Variants in EPHA3 observed in about 807,000 individuals in gnomAD.
The protein encoded by EPHA3 is EPH receptor A3, also known as ephrin type-A receptor 3.
In EPHA3, 42 loss-of-function variants were observed where a neutral mutation model predicts 107.1. The observed-to-expected ratio is 0.39, with a 90% CI of 0.31 to 0.51. The LOEUF (loss-of-function observed/expected upper bound fraction) is 0.51, where lower values mean the gene tolerates loss of function less well. Ranked by LOEUF, EPHA3 falls within the 20% of genes least tolerant of loss-of-function variation. The pLI is 0.78. For missense variants in EPHA3, 1,183 were observed against 1,211.2 expected, an observed-to-expected ratio of 0.98 and a Z score of 0.35; for synonymous variants, 461 against 424.8, an observed-to-expected ratio of 1.09 and a Z score of -1.05.
intron 3 of EPHA3, among the ~76,000 whole-genome samples, chr3:89,221,572 T>C (rs1704376536): frequency 6.6e-6 from 1 of 152,214 alleles, no homozygotes; most frequent in South Asian, 2.1e-4. Flanking sequence ...GGGAATGCTT[T>C]CTCAAATACG....
At chr3:89,225,756 C>T (rs1559608999) in intron 3 of EPHA3, among the ~76,000 whole-genome samples, 3 of 152,018 alleles carry the variant, frequency 2.0e-5, no homozygotes, top group African/African-American at 7.2e-5. Context: ...TTTCAAAGCT[C>T]ATAGGAGATG....
intron 15 of EPHA3, among the ~76,000 whole-genome samples, chr3:89,455,675 C>A (rs1246611687): frequency 6.6e-6 from 1 of 152,202 alleles, no homozygotes; most frequent in African/African-American, 2.4e-5. Flanking sequence ...TCAGTGGCTA[C>A]TTCTAGTTCC....
chr3:89,194,577 A>C (rs1705792194), intron 2 of EPHA3, among the ~76,000 whole-genome samples: 1 of 152,100 alleles, frequency 6.6e-6, no homozygotes, highest in Admixed American at 6.5e-5. Context: ...TTCAATAATA[A>C]AATTGTTAGG....
intron 5 of EPHA3, among the ~76,000 whole-genome samples, chr3:89,351,397 C>A (rs1366852457): frequency 6.6e-6 from 1 of 150,820 alleles, no homozygotes; most frequent in Non-Finnish European, 1.5e-5. Context: ...CGTCCGTCAC[C>A]CCTTTCTTTG....
At chr3:89,346,307 AT>A (rs1707651954) in intron 5 of EPHA3, among the ~76,000 whole-genome samples, 1 of 132,226 alleles carries the variant, frequency 7.6e-6, no homozygotes, top group Non-Finnish European at 1.7e-5. Context: ...AATGATTGCC[AT>A]TCTAACTGGT....
chr3:89,314,192 C>T (rs965611579), intron 3 of EPHA3, among the ~76,000 whole-genome samples: 8 of 151,956 alleles, frequency 5.3e-5, no homozygotes, highest in Middle Eastern at 3.4e-3. Context: ...CAAATTTTGT[C>T]AAATTTAGTT....
chr3:89,412,906 A>G (rs1709181438), intron 9 of EPHA3, among the ~76,000 whole-genome samples: 1 of 151,614 alleles, frequency 6.6e-6, no homozygotes, highest in Admixed American at 6.6e-5. Context: ...TGTTTTTGCA[A>G]AGAAAGCTCC....
At chr3:89,362,147 C>G (rs750956624) in intron 5 of EPHA3, among the ~76,000 whole-genome samples, 1 of 150,854 alleles carries the variant, frequency 6.6e-6, no homozygotes, top group Non-Finnish European at 1.5e-5. Flanking sequence ...TGTGATGGTC[C>G]ATCTCATCTT....
chr3:89,291,455 A>G (rs1706204363), intron 3 of EPHA3, among the ~76,000 whole-genome samples: 1 of 152,164 alleles, frequency 6.6e-6, no homozygotes, highest in Non-Finnish European at 1.5e-5. Context: ...AAAGAAAAAG[A>G]TAGAGACAGA....
chr3:89,115,292 C>T (rs892056075), intron 1 of EPHA3, among the ~76,000 whole-genome samples: 1 of 151,668 alleles, frequency 6.6e-6, no homozygotes, highest in African/African-American at 2.4e-5. Context: ...CCTGCTAGTG[C>T]CACCTTTAGG....
chr3:89,377,224 G>A (rs115812739), intron 5 of EPHA3, among the ~76,000 whole-genome samples: 2,400 of 152,150 alleles, frequency 0.016, 63 homozygotes, highest in African/African-American at 0.055. Flanking sequence ...CATTCTTTTA[G>A]TGAATGAAGA....
intron 5 of EPHA3, among the ~76,000 whole-genome samples, chr3:89,379,913 G>C (rs1357590020): frequency 6.6e-6 from 1 of 152,050 alleles, no homozygotes; most frequent in African/African-American, 2.4e-5. Flanking sequence ...GTTATGGGAG[G>C]TCTGGGATTT....
chr3:89,288,183 A>G (rs1706133986), intron 3 of EPHA3, among the ~76,000 whole-genome samples: 1 of 152,102 alleles, frequency 6.6e-6, no homozygotes, highest in Non-Finnish European at 1.5e-5. Context: ...AGTTACCATC[A>G]TGCAAAACAA....
intron 2 of EPHA3, among the ~76,000 whole-genome samples, chr3:89,141,687 AG>A (rs1704435037): frequency 6.6e-6 from 1 of 151,608 alleles, no homozygotes. Flanking sequence ...GAAAGTTTAA[AG>A]GACAGAACTT....
chr3:89,383,710 G>T (rs1348464875), intron 5 of EPHA3, among the ~76,000 whole-genome samples: 1 of 141,478 alleles, frequency 7.1e-6, no homozygotes, highest in Non-Finnish European at 1.5e-5. Flanking sequence ...GTGCAGTGGC[G>T]CGATCTCGGC....
chr3:89,249,532 C>T (rs1705112690), intron 3 of EPHA3, among the ~76,000 whole-genome samples: 1 of 152,168 alleles, frequency 6.6e-6, no homozygotes, highest in African/African-American at 2.4e-5. Context: ...ACAATCTCTG[C>T]TCACTGCAAC....
At chr3:89,401,614 C>CTTT (rs200505489) in intron 7 of EPHA3, among the ~76,000 whole-genome samples, 1,642 of 152,126 alleles carry the variant, frequency 0.011, 33 homozygotes, top group African/African-American at 0.038. Context: ...CTCAAAATCT[C>CTTT]TTTCTTTTTT....
At chr3:89,287,027 C>A (rs1706103594) in intron 3 of EPHA3, among the ~76,000 whole-genome samples, 1 of 152,146 alleles carries the variant, frequency 6.6e-6, no homozygotes, top group Non-Finnish European at 1.5e-5. Flanking sequence ...CATGTTCTAT[C>A]TTTTCATAGA....
intron 3 of EPHA3, among the ~76,000 whole-genome samples, chr3:89,281,865 A>G (rs1051936386): frequency 2.0e-5 from 3 of 152,212 alleles, no homozygotes; most frequent in Non-Finnish European, 4.4e-5. Flanking sequence ...AAGCATACAC[A>G]TGGCTAATTC....
Sources: allele counts gnomAD v4.1 joint callset (sites outside exome capture counted in the v4.1 genomes callset), GRCh38; gene constraint gnomAD v4.1.1; transcripts MANE v1.5; gene names NCBI Gene and HGNC (gene_info 2026-07-23, HGNC 2026-07-21).